Variants in PDE1C observed in about 807,000 individuals in gnomAD.
The protein encoded by PDE1C is dual specificity calcium/calmodulin-dependent 3',5'-cyclic nucleotide phosphodiesterase 1C.
Under a neutral mutation model 93.1 loss-of-function variants are expected in PDE1C, and 62 were observed. The observed-to-expected ratio is 0.67, with a 90% confidence interval of 0.54 to 0.82. The LOEUF (loss-of-function observed/expected upper bound fraction) is 0.82, where lower values mean the gene tolerates loss of function less well. PDE1C is among the 40% of genes least tolerant of loss of function. PDE1C has a pLI of 0.00. For synonymous variants in PDE1C, 325 were observed against 310.1 expected (o/e 1.05, Z -0.50); for missense variants, 742 against 884.6 (o/e 0.84, Z 2.04).
intron 1 of PDE1C, among the ~76,000 whole-genome samples, chr7:32,316,475 G>T (rs1783175645): frequency 6.6e-6 from 1 of 152,120 alleles, no homozygotes; most frequent in Non-Finnish European, 1.5e-5. Context: ...TTGTATATCG[G>T]TACTTTATTA....
At chr7:32,093,783 C>A (rs1440723945) in intron 3 of PDE1C, among the ~76,000 whole-genome samples, 1 of 152,214 alleles carries the variant, frequency 6.6e-6, no homozygotes, top group Non-Finnish European at 1.5e-5. Flanking sequence ...GAGCAGCTAG[C>A]CCAGCTGTGC....
At chr7:31,801,471 T>C (rs1358761555) in intron 16 of PDE1C, among the ~76,000 whole-genome samples, 1 of 151,478 alleles carries the variant, frequency 6.6e-6, no homozygotes, top group Non-Finnish European at 1.5e-5. Flanking sequence ...GAAAAAGATG[T>C]GTATTCTTCT....
chr7:32,256,693 G>A (rs567473751), intron 1 of PDE1C, among the ~76,000 whole-genome samples: 74 of 152,308 alleles, frequency 4.9e-4, no homozygotes, highest in Non-Finnish European at 9.8e-4. Context: ...TTACTGAATA[G>A]AGAGTAATGT....
intron 1 of PDE1C, among the ~76,000 whole-genome samples, chr7:32,406,224 C>T (rs1370292946): frequency 6.6e-6 from 1 of 152,192 alleles, no homozygotes; most frequent in Admixed American, 6.5e-5. Flanking sequence ...AATTCTCCAC[C>T]ACACTTCTTA....
intron 3 of PDE1C, among the ~76,000 whole-genome samples, chr7:32,150,591 G>A (rs1801180561): frequency 6.6e-6 from 1 of 152,186 alleles, no homozygotes; most frequent in African/African-American, 2.4e-5. Flanking sequence ...TAATCCCTTG[G>A]ATTCTGAGGC....
chr7:31,683,944 A>C, the PDE1C span, among the ~76,000 whole-genome samples: 1 of 152,218 alleles, frequency 6.6e-6, no homozygotes, highest in South Asian at 2.1e-4. Flanking sequence ...TCAGCCATAC[A>C]TCAAAGGGCT....
intron 2 of PDE1C, among the ~76,000 whole-genome samples, chr7:31,950,852 A>G (rs981437641): frequency 3.3e-5 from 5 of 152,212 alleles, no homozygotes; most frequent in African/African-American, 1.2e-4. Context: ...TTCATTCACT[A>G]GGTACAGCAT....
At chr7:32,251,766 G>A (rs1166093965) in intron 1 of PDE1C, among the ~76,000 whole-genome samples, 2 of 152,238 alleles carry the variant, frequency 1.3e-5, no homozygotes, top group Admixed American at 1.3e-4. Flanking sequence ...TTTCCACCAT[G>A]TCTGCCCTTA....
intron 2 of PDE1C, among the ~76,000 whole-genome samples, chr7:31,927,784 G>T (rs976181929): frequency 3.3e-5 from 5 of 152,000 alleles, no homozygotes; most frequent in African/African-American, 9.7e-5. Context: ...CCATCCAAAG[G>T]CCATCAGCAT....
Position 32,021,060 on chromosome 7 carries a change from G to A in PDE1C, c.128+30494C>T, listed in dbSNP as rs112022529. ...TTAGAAAGAGCTCCCCAGGTCACTCGTCTGTCTCCTTTCTAATTTGAGTGT... is the reference window on the plus strand; with the variant it reads ...TTAGAAAGAGCTCCCCAGGTCACTCATCTGTCTCCTTTCTAATTTGAGTGT... On this transcript the variant is annotated intron_variant, in intron 2 of 17. Transcript: ENST00000396191. Among the ~76,000 whole-genome samples the A allele has an allele frequency of 3.2e-4, 49 of 152,166 alleles. 1 individual carries two copies. The Middle Eastern group carries it at 0.01, about 32-fold the overall frequency.
At chr7:32,082,557 G>A (rs890720935) in intron 3 of PDE1C, among the ~76,000 whole-genome samples, 12 of 152,206 alleles carry the variant, frequency 7.9e-5, no homozygotes, top group Non-Finnish European at 1.6e-4. Flanking sequence ...CCTCAAGTGG[G>A]TCCCTGACCC....
Position 31,954,251 on chromosome 7 carries a change from C to T in PDE1C, c.129-73391G>A, listed in dbSNP as rs1258410007. Among the ~76,000 whole-genome samples, 3 of 152,164 alleles carry T rather than the reference C, an allele frequency of 2.0e-5. No individual in the cohort carries two copies. The South Asian group carries it at 6.2e-4, about 32-fold the overall frequency. On this transcript the variant is annotated intron_variant, in intron 2 of 17. Coordinates refer to ENST00000396191, the MANE Select transcript of PDE1C (RefSeq NM_001191057.4). ...ATGTGTGTCACTTCGGGACCAAGAA[C>T]CTTATCTCTCTCTTCCATCCCATTC...
intron 2 of PDE1C, among the ~76,000 whole-genome samples, chr7:32,039,641 A>T (rs1018482503): frequency 6.6e-6 from 1 of 152,172 alleles, no homozygotes; most frequent in Admixed American, 6.5e-5. Context: ...GAAGCACTGG[A>T]CTTTTATCAA....
At chr7:32,104,432 A>G (rs1798193088) in intron 3 of PDE1C, among the ~76,000 whole-genome samples, 2 of 152,214 alleles carry the variant, frequency 1.3e-5, no homozygotes. Context: ...AAACAAATGT[A>G]AGAGTAGAAT....
intron 2 of PDE1C, among the ~76,000 whole-genome samples, chr7:32,192,807 C>A (rs1804327336): frequency 6.6e-6 from 1 of 152,068 alleles, no homozygotes; most frequent in Non-Finnish European, 1.5e-5. Context: ...TCTTCCAATC[C>A]ATGAACACAG....
chr7:32,204,449 A>G (rs28759002), intron 2 of PDE1C, among the ~76,000 whole-genome samples: 24,171 of 152,146 alleles, frequency 0.16, 2,023 homozygotes, highest in Non-Finnish European at 0.19. Context: ...GCCCAGCCAC[A>G]AGAGCTCTGT....
intron 2 of PDE1C, among the ~76,000 whole-genome samples, chr7:32,193,315 A>T (rs1044057986): frequency 1.3e-5 from 2 of 152,158 alleles, no homozygotes; most frequent in Non-Finnish European, 1.5e-5. Context: ...CAAGTTGAAG[A>T]AATTCCCCTA....
chr7:31,705,676 G>T, the PDE1C span, among the ~76,000 whole-genome samples: 1 of 152,110 alleles, frequency 6.6e-6, no homozygotes, highest in Admixed American at 6.5e-5. Context: ...TGGTAGAAAG[G>T]CCTCTTGTGG....
At chr7:31,669,459 A>C in the PDE1C span, among the ~76,000 whole-genome samples, 2 of 152,214 alleles carry the variant, frequency 1.3e-5, no homozygotes, top group Admixed American at 1.3e-4. Context: ...GTATTATCCC[A>C]GTTTAGTATC....
Sources: allele counts gnomAD v4.1 joint callset (sites outside exome capture counted in the v4.1 genomes callset), GRCh38; gene constraint gnomAD v4.1.1; transcripts MANE v1.5; gene names NCBI Gene and HGNC (gene_info 2026-07-23, HGNC 2026-07-21).